The following OSBPL3 variants were observed in gnomAD, a reference collection of about 807,000 sequenced individuals.
OSBPL3 encodes the protein oxysterol-binding protein-related protein 3.
OSBPL3 carries 65 observed loss-of-function variants against 120.1 expected under a neutral mutation model. That is an observed-to-expected ratio of 0.54 (90% CI 0.44 to 0.67). The LOEUF (loss-of-function observed/expected upper bound fraction) is 0.67, where lower values mean the gene tolerates loss of function less well. Among genes scored for constraint, OSBPL3 ranks in the 30% least tolerant of loss-of-function variants. The pLI is 0.00. For missense variants in OSBPL3, 1,004 were observed against 1,082.1 expected (o/e 0.93, Z 1.01); for synonymous variants, 416 against 402.6 (o/e 1.03, Z -0.40).
At chr7:24,948,824 G>T (rs1247168005) in intron 1 of OSBPL3, among the ~76,000 whole-genome samples, 1 of 152,208 alleles carries the variant, frequency 6.6e-6, no homozygotes, top group Non-Finnish European at 1.5e-5. Context: ...CCGAGGTGTG[G>T]ATACAAAGTA....
At chr7:24,941,431 C>T (rs1562993903) in intron 1 of OSBPL3, among the ~76,000 whole-genome samples, 2 of 152,194 alleles carry the variant, frequency 1.3e-5, no homozygotes, top group South Asian at 2.1e-4. Context: ...TATCATCTCT[C>T]GCCTACCTGA....
Position 24,930,730 on chromosome 7 carries a change from C to G in OSBPL3, c.-149-38109G>C, listed in dbSNP as rs1811689268. On this transcript the variant is annotated intron_variant, in intron 1 of 22. Coordinates refer to ENST00000313367, the MANE Select transcript of OSBPL3 (RefSeq NM_015550.4). The surrounding 1 kb of genome is among the most constrained non-coding windows in gnomAD (Gnocchi z 4.4). ...AAATGATTATATGGTTTTGCACAGT[C>G]CCAAAGGGTCTGGCTCTCTGAAAGC... 6.6e-6 allele frequency among the ~76,000 whole-genome samples: 1 copy of G among 152,120 alleles called. No homozygotes were observed. The highest frequency in any genetic ancestry group is 2.4e-5 in the African/African-American group (1 of 41,410).
In OSBPL3 at chr7:24,808,535, C is replaced by G. The variant is rs1270064213; in HGVS notation, c.2317+1272G>C. On this transcript the variant is annotated intron_variant, in intron 20 of 22. Coordinates refer to ENST00000313367, the MANE Select transcript of OSBPL3 (RefSeq NM_015550.4). The surrounding 1 kb of genome is among the most constrained non-coding windows in gnomAD (Gnocchi z 4.6). ...ACTGTGCCATTTGCAAAATCTCATG[C>G]TTGCCTCTGAAGCTAGGAAGGCTTC... is the stretch of plus-strand genomic sequence containing the variant. Among the ~76,000 whole-genome samples the G allele has an allele frequency of 1.3e-5, 2 of 152,206 alleles. No individual in the cohort carries two copies. Among genetic ancestry groups the G allele is most frequent in the East Asian group, 3.8e-4 (2 of 5,198 alleles).
chr7:24,879,799 G>A lies in OSBPL3; in HGVS notation c.97-7730C>T, dbSNP rs759857264. Among the ~76,000 whole-genome samples, 8 of 152,152 alleles carry A rather than the reference G, an allele frequency of 5.3e-5. No individual in the cohort carries two copies. Among genetic ancestry groups the A allele is most frequent in the South Asian group, 2.1e-4 (1 of 4,826 alleles). ...ATAGCATTAATAAAAACACTTCAAT[G>A]TACATATGACTATTTCCACGCTGTT... On this transcript the variant is annotated intron_variant, in intron 2 of 22. Coordinates refer to ENST00000313367, the MANE Select transcript of OSBPL3 (RefSeq NM_015550.4). The surrounding 1 kb of genome is among the most constrained non-coding windows in gnomAD (Gnocchi z 5.6).
chr7:24,931,687 A>G (rs1319843591), intron 1 of OSBPL3, among the ~76,000 whole-genome samples: 1 of 152,226 alleles, frequency 6.6e-6, no homozygotes, highest in Non-Finnish European at 1.5e-5. Context: ...ATAAATTTAA[A>G]CAACTTAAGC....
chr7:24,845,796 A>C (rs1798380569), intron 12 of OSBPL3, among the ~76,000 whole-genome samples: 1 of 152,152 alleles, frequency 6.6e-6, no homozygotes, highest in Non-Finnish European at 1.5e-5. Context: ...TTTTATATTT[A>C]ACTTGAATTT....
rs548664098 is a variant in OSBPL3, at chr7:24,848,270, C to T, written c.1266+799G>A. Among the ~76,000 whole-genome samples, 7 of 152,336 alleles carry T rather than the reference C, an allele frequency of 4.6e-5. No individual in the cohort carries two copies. The East Asian group carries it at 1.2e-3, about 25-fold the overall frequency. ...ATTACAAACTTCTTTTAAAAACTTA[C>T]ATAAACACACACCTCTTGTCTATTA... On this transcript the variant is annotated intron_variant, in intron 12 of 22. Coordinates refer to ENST00000313367, the MANE Select transcript of OSBPL3 (RefSeq NM_015550.4).
rs1052665761 is a variant in OSBPL3, at chr7:24,812,098, G to A, written c.2173-2147C>T. On this transcript the variant is annotated intron_variant, in intron 19 of 22. Coordinates refer to ENST00000313367, the MANE Select transcript of OSBPL3 (RefSeq NM_015550.4). The stretch of plus-strand genomic sequence containing the variant: ...GAGGTGGGTGGATCACTTGAGGTCC[G>A]GAGTTCGAGACCAGCCTGTCCAACA... Among the ~76,000 whole-genome samples, 8 of 152,186 alleles carry A rather than the reference G, an allele frequency of 5.3e-5. No homozygotes were observed. In the East Asian group the frequency reaches 5.8e-4, roughly 11 times the overall value.
chr7:24,849,192 A>T lies in OSBPL3; in HGVS notation c.1159-16T>A. On this transcript the variant is annotated splice_polypyrimidine_tract_variant and intron_variant, in intron 11 of 22. Transcript: ENST00000313367. This position sits in a 1 kb window ranked among gnomAD's most constrained non-coding sequence, Gnocchi z 5.4. ...GTGCTAGGGCCTGGAACATGTTAAA[A>T]TAGTGGGGCTCTGTTAATAAATGGA... 2 of 1,582,566 alleles carry T rather than the reference A, an allele frequency of 1.3e-6. No individual in the cohort carries two copies. The highest frequency in any genetic ancestry group is 1.7e-6 in the Non-Finnish European group (2 of 1,151,882).
At chr7:24,884,159 CT>C (rs936917785) in intron 2 of OSBPL3, among the ~76,000 whole-genome samples, 1 of 152,116 alleles carries the variant, frequency 6.6e-6, no homozygotes, top group Non-Finnish European at 1.5e-5. Flanking sequence ...CTTCTTGGCC[CT>C]GCATTCATAA....
At position 24,940,134 on chromosome 7, in the gene OSBPL3, A is replaced by G. The variant is rs920238346; in HGVS notation, c.-150+39752T>C. On this transcript the variant is annotated intron_variant, in intron 1 of 22. Transcript: ENST00000313367. This position sits in a 1 kb window ranked among gnomAD's most constrained non-coding sequence, Gnocchi z 4.4. ...AAAGAAAGTTATATTCTTGAAGAGC[A>G]TAATAAAGGTTTGAAATAGCTGCTA... 7.9e-5 allele frequency among the ~76,000 whole-genome samples: 12 copies of G among 152,236 alleles called. No homozygotes were observed. Among genetic ancestry groups the G allele is most frequent in the Admixed American group, 6.5e-4 (10 of 15,290 alleles).
In OSBPL3 at chr7:24,933,877, CATAA is replaced by C. The variant is rs1317321918; in HGVS notation, c.-149-41260_-149-41257del. ...TATACACAAGAGCTATGCCACTTAG[CATAA>C]ATAGAGTAAAACAACAAATACTAAG... On this transcript the variant is annotated intron_variant, in intron 1 of 22. Transcript: ENST00000313367. The surrounding 1 kb of genome is among the most constrained non-coding windows in gnomAD (Gnocchi z 5.1). 1.3e-5 allele frequency among the ~76,000 whole-genome samples: 2 copies of C among 152,252 alleles called. No individual in the cohort carries two copies. The highest frequency in any genetic ancestry group is 1.3e-4 in the Admixed American group (2 of 15,302).
chr7:24,832,013 G>A (rs751246873), intron 15 of OSBPL3, among the ~76,000 whole-genome samples: 1 of 151,834 alleles, frequency 6.6e-6, no homozygotes, highest in Non-Finnish European at 1.5e-5. Flanking sequence ...GACCAGCCTG[G>A]ACAACATGGC....
At chr7:24,865,980 T>G in intron 6 of OSBPL3, 90 bp downstream of exon 6, 2 of 1,073,328 alleles carry the variant, frequency 1.9e-6, no homozygotes, top group Non-Finnish European at 2.8e-6. Context: ...CCCGAAAACT[T>G]TTCCTTCTTC....
rs1584726895 is a variant in OSBPL3, at chr7:24,955,401, T to C, written c.-150+24485A>G. Among the ~76,000 whole-genome samples, 1 of 152,346 alleles carries C rather than the reference T, an allele frequency of 6.6e-6. No homozygotes were observed. The highest frequency in any genetic ancestry group is 2.4e-5 in the African/African-American group (1 of 41,582). On this transcript the variant is annotated intron_variant, in intron 1 of 22. Coordinates refer to ENST00000313367, the MANE Select transcript of OSBPL3 (RefSeq NM_015550.4). This position sits in a 1 kb window ranked among gnomAD's most constrained non-coding sequence, Gnocchi z 4.3. ...CTGGGAATTTTTCCAGTGCTGGGAA[T>C]ACAGTGGTAGACAAGATACATGTTG...
In OSBPL3 at chr7:24,849,205, G is replaced by T; in HGVS notation, c.1159-29C>A. On this transcript the variant is annotated intron_variant, in intron 11 of 22. Coordinates refer to ENST00000313367, the MANE Select transcript of OSBPL3 (RefSeq NM_015550.4). This position sits in a 1 kb window ranked among gnomAD's most constrained non-coding sequence, Gnocchi z 5.4. Reference sequence around the variant, plus strand: ...GAACATGTTAAAATAGTGGGGCTCTGTTAATAAATGGATGTTTCAGAAAAG... The same window carrying T: ...GAACATGTTAAAATAGTGGGGCTCTTTTAATAAATGGATGTTTCAGAAAAG... 1 of 1,531,704 alleles carries T rather than the reference G, an allele frequency of 6.5e-7. No homozygotes were observed. Among genetic ancestry groups the T allele is most frequent in the Non-Finnish European group, 9.0e-7 (1 of 1,107,042 alleles). The allele number at this position is 1,531,704 out of a possible 1,614,324, so 94.9% of individuals were successfully genotyped here.
intron 1 of OSBPL3, among the ~76,000 whole-genome samples, chr7:24,979,285 C>T (rs902851536): frequency 1.2e-5 from 1 of 80,210 alleles, no homozygotes; most frequent in African/African-American, 4.8e-5. Flanking sequence ...TAATTGGAAA[C>T]TAACAAAAAA....
intron 2 of OSBPL3, among the ~76,000 whole-genome samples, chr7:24,889,038 C>T (rs1360276329): frequency 6.6e-6 from 1 of 152,188 alleles, no homozygotes; most frequent in Non-Finnish European, 1.5e-5. Flanking sequence ...CACCCTCACT[C>T]CAAATATGGC....
At position 24,818,146 on chromosome 7, in the gene OSBPL3, T is replaced by G. The variant is rs759601672; in HGVS notation, c.1949-1458A>C. ...ATAGGCTGGGGAATATTGAGAGAAA[T>G]GGGGCAGGTGGCAGAGGGGGTGGAT... On this transcript the variant is annotated intron_variant, in intron 17 of 22. Coordinates refer to ENST00000313367, the MANE Select transcript of OSBPL3 (RefSeq NM_015550.4). The surrounding 1 kb of genome is among the most constrained non-coding windows in gnomAD (Gnocchi z 4.0). Among the ~76,000 whole-genome samples the G allele has an allele frequency of 6.6e-6, 1 of 152,050 alleles. No individual in the cohort carries two copies. Among genetic ancestry groups the G allele is most frequent in the Non-Finnish European group, 1.5e-5 (1 of 67,990 alleles).
Sources: allele counts gnomAD v4.1 joint callset (sites outside exome capture counted in the v4.1 genomes callset), GRCh38; gene constraint gnomAD v4.1.1; non-coding constraint Gnocchi (gnomAD v3.1); transcripts MANE v1.5; gene names NCBI Gene and HGNC (gene_info 2026-07-23, HGNC 2026-07-21).